The following SGCZ variants were observed in gnomAD, a reference collection of about 807,000 sequenced individuals.
SGCZ encodes the protein zeta-sarcoglycan.
A neutral mutation model predicts 41.3 loss-of-function variants in SGCZ; 40 were observed. That is an observed-to-expected ratio of 0.97 (90% CI 0.75 to 1.26). The LOEUF (loss-of-function observed/expected upper bound fraction) is 1.26, where lower values mean the gene tolerates loss of function less well. Ranked by LOEUF, SGCZ falls within the 50% of genes most tolerant of loss-of-function variation. The pLI is 0.00. For synonymous variants in SGCZ, 206 were observed against 137.5 expected, an observed-to-expected ratio of 1.50 and a Z score of -3.49; for missense variants, 552 against 369.8, an observed-to-expected ratio of 1.49 and a Z score of -4.04.
At chr8:14,292,303 A>C (rs1800867045) in intron 3 of SGCZ, among the ~76,000 whole-genome samples, 1 of 152,062 alleles carries the variant, frequency 6.6e-6, no homozygotes, top group African/African-American at 2.4e-5. Context: ...CAGACATGAG[A>C]GTAGCTACTC....
chr8:14,635,084 T>C (rs1355815599), intron 1 of SGCZ, among the ~76,000 whole-genome samples: 1 of 151,754 alleles, frequency 6.6e-6, no homozygotes, highest in Admixed American at 6.6e-5. Flanking sequence ...CATATAGAAA[T>C]TTTATCTTTA....
chr8:14,389,699 T>G (rs1804696575), intron 2 of SGCZ, among the ~76,000 whole-genome samples: 1 of 151,932 alleles, frequency 6.6e-6, no homozygotes, highest in South Asian at 2.1e-4. Flanking sequence ...CAAGAAGTGT[T>G]AAGCGGCAAG....
At chr8:14,543,145 T>G (rs1221069000) in intron 2 of SGCZ, among the ~76,000 whole-genome samples, 2 of 151,998 alleles carry the variant, frequency 1.3e-5, no homozygotes, top group African/African-American at 2.4e-5. Context: ...TTACATGTAT[T>G]TTCACAATTG....
chr8:14,493,530 G>C (rs1430027931), intron 2 of SGCZ, among the ~76,000 whole-genome samples: 2 of 151,036 alleles, frequency 1.3e-5, no homozygotes, highest in Non-Finnish European at 2.9e-5. Flanking sequence ...ACCACACCCA[G>C]CTAATTTTTG....
At chr8:14,272,706 G>C (rs574063160) in intron 3 of SGCZ, among the ~76,000 whole-genome samples, 1 of 152,238 alleles carries the variant, frequency 6.6e-6, no homozygotes, top group South Asian at 2.1e-4. Context: ...GAGGTTAGTA[G>C]GGAATGACTC....
rs1225667355 is a variant in SGCZ at position 14,358,155 on chromosome 8, T to C, written c.235-33951A>G. Among the ~76,000 whole-genome samples the C allele has an allele frequency of 2.6e-5, 4 of 152,180 alleles. No homozygotes were observed. The East Asian group carries it at 5.8e-4, about 22-fold the overall frequency. The stretch of plus-strand genomic sequence containing the variant: ...TGTTTGTGTCTTTAATTCCATGTAA[T>C]TGGTTACATGACAGTGCCTGCCGTG... On this transcript the variant is annotated intron_variant, in intron 2 of 7. Transcript: ENST00000382080.
In SGCZ at chr8:14,085,608, A is replaced by G. The variant is rs890079664; in HGVS notation, c.*4835T>C. On this transcript the variant is annotated 3_prime_UTR_variant, in exon 8 of 8. Coordinates refer to ENST00000382080, the MANE Select transcript of SGCZ (RefSeq NM_139167.4). Reference sequence around the variant, plus strand: ...ACAAGTATTTCAAATTTTATTCTCCAAATAGTGTTCAGCAAGCAGTGAAAG... The same window carrying G: ...ACAAGTATTTCAAATTTTATTCTCCGAATAGTGTTCAGCAAGCAGTGAAAG... Among the ~76,000 whole-genome samples, 7 of 151,798 alleles carry G rather than the reference A, an allele frequency of 4.6e-5. No homozygotes were observed. The highest frequency in any genetic ancestry group is 7.4e-5 in the Non-Finnish European group (5 of 67,824).
intron 3 of SGCZ, among the ~76,000 whole-genome samples, chr8:14,252,671 A>C (rs577999980): frequency 6.6e-6 from 1 of 152,212 alleles, no homozygotes; most frequent in Middle Eastern, 3.4e-3. Context: ...AGATAATATA[A>C]AGTCGAGGGG....
chr8:14,889,825 T>C (rs1240650547), intron 1 of SGCZ, among the ~76,000 whole-genome samples: 2 of 152,154 alleles, frequency 1.3e-5, no homozygotes, highest in Non-Finnish European at 2.9e-5. Context: ...CAAGTCACGA[T>C]ATTGAAATTT....
chr8:14,147,893 TAA>T (rs796628927), intron 5 of SGCZ, among the ~76,000 whole-genome samples: 66 of 152,106 alleles, frequency 4.3e-4, no homozygotes, highest in African/African-American at 1.5e-3. Context: ...AAATTAATAA[TAA>T]GAGGAATTTT....
At chr8:15,161,126 C>A (rs765522935) in intron 1 of SGCZ, among the ~76,000 whole-genome samples, 1 of 152,090 alleles carries the variant, frequency 6.6e-6, no homozygotes, top group Non-Finnish European at 1.5e-5. Context: ...CCCTCTCTCA[C>A]CTCCTACCAT....
intron 2 of SGCZ, among the ~76,000 whole-genome samples, chr8:14,526,978 T>A (rs192927214): frequency 6.6e-6 from 1 of 152,118 alleles, no homozygotes; most frequent in African/African-American, 2.4e-5. Flanking sequence ...CTTGTACCAA[T>A]TAATATTTTT....
intron 4 of SGCZ, among the ~76,000 whole-genome samples, chr8:14,171,728 T>A (rs1804389408): frequency 6.6e-6 from 1 of 151,900 alleles, no homozygotes; most frequent in Admixed American, 6.6e-5. Context: ...ATATATTTAT[T>A]TATCCTACCA....
chr8:15,174,280 G>T (rs1471714578), intron 1 of SGCZ, among the ~76,000 whole-genome samples: 2 of 152,150 alleles, frequency 1.3e-5, no homozygotes, highest in African/African-American at 4.8e-5. Context: ...TTTTCATTGT[G>T]TAAATATATT....
chr8:14,500,070 G>C (rs1802105532), intron 2 of SGCZ, among the ~76,000 whole-genome samples: 1 of 152,034 alleles, frequency 6.6e-6, no homozygotes, highest in Non-Finnish European at 1.5e-5. Context: ...CATTAAAAGG[G>C]TACTTGAAAA....
intron 1 of SGCZ, among the ~76,000 whole-genome samples, chr8:15,000,151 A>G (rs1802363442): frequency 6.6e-6 from 1 of 152,126 alleles, no homozygotes; most frequent in African/African-American, 2.4e-5. Context: ...ATATGATGGG[A>G]CGGCAGGAGG....
intron 2 of SGCZ, among the ~76,000 whole-genome samples, chr8:14,545,993 T>C (rs1803614091): frequency 6.6e-6 from 1 of 152,170 alleles, no homozygotes. Context: ...AATTTTTCTT[T>C]ATAAAGTCAA....
intron 2 of SGCZ, among the ~76,000 whole-genome samples, chr8:14,358,483 T>C (rs546377050): frequency 1.2e-4 from 19 of 152,196 alleles, no homozygotes; most frequent in Non-Finnish European, 2.4e-4. Flanking sequence ...CTTCAGTTAC[T>C]ATATAAAATA....
rs986839115 is a variant in SGCZ, at chr8:15,082,143, C to T, written c.39+155442G>A. ...ACTGGGGAGGCTGAGGCAGGAGAAT[C>T]GCTTGAACCCAGGAGGCAGAGTTTG... On this transcript the variant is annotated intron_variant, in intron 1 of 7. Transcript: ENST00000382080. 2.2e-4 allele frequency among the ~76,000 whole-genome samples: 34 copies of T among 151,970 alleles called. No individual in the cohort carries two copies. The East Asian group carries it at 4.1e-3, about 18-fold the overall frequency.
Sources: allele counts gnomAD v4.1 joint callset (sites outside exome capture counted in the v4.1 genomes callset), GRCh38; gene constraint gnomAD v4.1.1; transcripts MANE v1.5; gene names NCBI Gene and HGNC (gene_info 2026-07-23, HGNC 2026-07-21).